The following PLEKHH2 variants were observed in gnomAD, a reference collection of about 807,000 sequenced individuals.
The protein encoded by PLEKHH2 is pleckstrin homology, MyTH4 and FERM domain containing H2, also known as pleckstrin homology domain-containing family H member 2.
PLEKHH2 carries 129 observed loss-of-function variants against 187.9 expected under a neutral mutation model. The ratio of observed to expected loss-of-function variants is 0.69; its 90% CI spans 0.59 to 0.79. The LOEUF (loss-of-function observed/expected upper bound fraction) is 0.79, where lower values mean the gene tolerates loss of function less well. PLEKHH2 is among the 30% of genes least tolerant of loss of function. The pLI is 0.00. For missense variants in PLEKHH2, 2,076 were observed against 1,751.2 expected (o/e 1.19, Z -3.31); for synonymous variants, 686 against 605.6 (o/e 1.13, Z -1.95).
chr2:43,750,210 C>T (rs1030516384), intron 24 of PLEKHH2, among the ~76,000 whole-genome samples: 3 of 152,210 alleles, frequency 2.0e-5, no homozygotes, highest in Non-Finnish European at 4.4e-5. Flanking sequence ...CCGTGGCTCA[C>T]GCCTGTAATC....
chr2:43,734,579 T>G (rs915638875), intron 19 of PLEKHH2, among the ~76,000 whole-genome samples: 4 of 152,176 alleles, frequency 2.6e-5, no homozygotes, highest in Non-Finnish European at 4.4e-5. Flanking sequence ...AAAATGGCTG[T>G]TATCGAAAAG....
intron 17 of PLEKHH2, among the ~76,000 whole-genome samples, chr2:43,727,024 A>G (rs139182355): frequency 1.7e-3 from 266 of 152,338 alleles, no homozygotes; most frequent in African/African-American, 6.1e-3. Context: ...AGATAGCAAA[A>G]TAATTTCCAG....
intron 4 of PLEKHH2, among the ~76,000 whole-genome samples, chr2:43,693,289 A>C (rs13398908): frequency 0.019 from 2,826 of 152,254 alleles, 100 homozygotes; most frequent in African/African-American, 0.065. Context: ...GTATGCCCCT[A>C]AATTGTTTGC....
rs142570902 is a variant in PLEKHH2, at chr2:43,710,385, C to T, written c.2214+55C>T. 1.8e-4 allele frequency: 280 copies of T among 1,587,324 alleles called. No individual in the cohort carries two copies. In the African/African-American group the frequency reaches 2.2e-3, roughly 12 times the overall value. ...GTAATTCCTCAAACTATAAATCAGA[C>T]GCCTGATTGATTTCCTTCCCATAAT... is the stretch of plus-strand genomic sequence containing the variant. On this transcript the variant is annotated intron_variant, in intron 13 of 29. Coordinates refer to ENST00000282406, the MANE Select transcript of PLEKHH2 (RefSeq NM_172069.4).
intron 2 of PLEKHH2, among the ~76,000 whole-genome samples, chr2:43,655,540 A>G (rs1666711921): frequency 6.6e-6 from 1 of 152,232 alleles, no homozygotes; most frequent in Non-Finnish European, 1.5e-5. Flanking sequence ...TTGATGGACA[A>G]TGGAAGATGC....
chr2:43,743,869 A>G lies in PLEKHH2; in HGVS notation c.3435A>G (p.Glu1145=), dbSNP rs1006933766. 6.2e-7 allele frequency: 1 copy of G among 1,614,072 alleles called. No homozygotes were observed. Among genetic ancestry groups the G allele is most frequent in the Non-Finnish European group, 8.5e-7 (1 of 1,179,944 alleles). ...TTGACGCATCTACCACAGTGGAAGAATTTTTGAATACTTTGAACCAGGACA... is the reference window on the plus strand; with the variant it reads ...TTGACGCATCTACCACAGTGGAAGAGTTTTTGAATACTTTGAACCAGGACA... The part of the protein sequence containing the change: ...VGFDASTTVE[E]FLNTLNQDTG... The change falls in exon 23 of 30, where the codon GAA becomes GAG. Residue 1145 remains glutamate, a synonymous_variant. Coordinates refer to ENST00000282406, the MANE Select transcript of PLEKHH2 (RefSeq NM_172069.4).
At position 43,762,360 on chromosome 2, in the gene PLEKHH2, T is replaced by A. The variant is rs1672461863; in HGVS notation, c.4128T>A (p.Asp1376Glu). Residue 1376 changes from aspartate (D) to glutamate (E), a missense_variant, in exon 28 of 30, where the codon GAT becomes GAA. Transcript: ENST00000282406. ...TCTTGTGGCTGGCTGTACATGAGGA[T>A]GGTTTAAGCCTCTTAGAATACAACT... ...STFLWLAVHEDGLSLLEYNSM... is the reference protein window; with the variant it reads ...STFLWLAVHEEGLSLLEYNSM... The A allele has an allele frequency of 1.2e-6, 2 of 1,612,778 alleles. No individual in the cohort carries two copies. The highest frequency in any genetic ancestry group is 1.7e-6 in the Non-Finnish European group (2 of 1,178,996).
chr2:43,650,870 C>T (rs983409689), intron 2 of PLEKHH2, among the ~76,000 whole-genome samples: 3 of 152,024 alleles, frequency 2.0e-5, no homozygotes, highest in African/African-American at 4.8e-5. Context: ...TGGTCTTGAA[C>T]TCCTGACCTT....
At chr2:43,727,462 A>G (rs1186067010) in intron 17 of PLEKHH2, among the ~76,000 whole-genome samples, 1 of 152,070 alleles carries the variant, frequency 6.6e-6, no homozygotes, top group Non-Finnish European at 1.5e-5. Context: ...CAGAGTGCAA[A>G]TGGTTGATAG....
chr2:43,689,155 C>G (rs1443745130), intron 3 of PLEKHH2, among the ~76,000 whole-genome samples: 1 of 152,220 alleles, frequency 6.6e-6, no homozygotes, highest in East Asian at 1.9e-4. Context: ...CAGTGAAGGA[C>G]CAGTCCTTTC....
At chr2:43,745,680 A>C (rs1671750111) in intron 23 of PLEKHH2, among the ~76,000 whole-genome samples, 186 bp from the exon 24 acceptor site, 1 of 152,206 alleles carries the variant, frequency 6.6e-6, no homozygotes, top group Non-Finnish European at 1.5e-5. Flanking sequence ...CAAAAGGATA[A>C]GTGGACCAAA....
In PLEKHH2 at chr2:43,731,639, A is replaced by G. The variant is rs561308928; in HGVS notation, c.2943+37A>G. 66 of 1,308,966 alleles carry G rather than the reference A, an allele frequency of 5.0e-5. 1 individual carries two copies. The South Asian group carries it at 8.4e-4, about 17-fold the overall frequency. The allele number at this position is 1,308,966 out of a possible 1,614,324, so 81.1% of individuals were successfully genotyped here. On this transcript the variant is annotated intron_variant, in intron 19 of 29. Transcript: ENST00000282406. ...ATATGTTGTTAAATGATTTAAGGTAAAATACTTATATGTTGTTAAATAATT... is the reference window on the plus strand; with the variant it reads ...ATATGTTGTTAAATGATTTAAGGTAGAATACTTATATGTTGTTAAATAATT...
At chr2:43,674,281 G>A (rs929699283) in intron 2 of PLEKHH2, among the ~76,000 whole-genome samples, 1 of 151,936 alleles carries the variant, frequency 6.6e-6, no homozygotes, top group Non-Finnish European at 1.5e-5. Flanking sequence ...GTTTCTCCTG[G>A]CAATCCTGAC....
chr2:43,765,030 C>A (rs1189954684), intron 29 of PLEKHH2, among the ~76,000 whole-genome samples: 1 of 152,100 alleles, frequency 6.6e-6, no homozygotes, highest in Non-Finnish European at 1.5e-5. Context: ...AGCAGCTAAC[C>A]ATTAAGTGCA....
At chr2:43,761,417 T>G (rs1672424494) in intron 27 of PLEKHH2, among the ~76,000 whole-genome samples, 3 of 150,134 alleles carry the variant, frequency 2.0e-5, no homozygotes, top group Admixed American at 6.6e-5. Context: ...TAGCTTTTTT[T>G]TTTTTTTTTT....
intron 2 of PLEKHH2, among the ~76,000 whole-genome samples, chr2:43,666,064 TC>T (rs1459077942): frequency 6.7e-6 from 1 of 149,252 alleles, no homozygotes; most frequent in African/African-American, 2.5e-5. Flanking sequence ...CGGGCTCCCC[TC>T]CCCCAGCCTT....
At chr2:43,650,323 G>C (rs181256417) in intron 2 of PLEKHH2, among the ~76,000 whole-genome samples, 4 of 151,400 alleles carry the variant, frequency 2.6e-5, no homozygotes, top group African/African-American at 9.7e-5. Context: ...AGTAGAGATG[G>C]GGTTTCACCA....
intron 3 of PLEKHH2, chr2:43,681,336 C>T (rs1395151335): frequency 9.2e-6 from 10 of 1,082,394 alleles, no homozygotes; most frequent in African/African-American, 3.1e-5. Context: ...TTCTCAGCTC[C>T]ATTGGGGTCA....
intron 13 of PLEKHH2, 62 bp downstream of exon 13, chr2:43,710,392 T>G: frequency 6.3e-7 from 1 of 1,586,918 alleles, no homozygotes; most frequent in East Asian, 2.2e-5. Flanking sequence ...AGACGCCTGA[T>G]TGATTTCCTT....
Sources: gnomAD v4.1 joint callset for allele counts (sites outside exome capture counted in the v4.1 genomes callset) on GRCh38, gnomAD v4.1.1 for gene constraint, MANE v1.5 for transcripts, NCBI Gene and HGNC (gene_info 2026-07-23, HGNC 2026-07-21) for gene names.